Variants in ALK observed in about 807,000 individuals in gnomAD.
ALK encodes the protein ALK receptor tyrosine kinase.
Under a neutral mutation model 163.1 loss-of-function variants are expected in ALK, and 74 were observed. The observed-to-expected ratio is 0.45, with a 90% CI of 0.38 to 0.55. The LOEUF (loss-of-function observed/expected upper bound fraction) is 0.55. Among genes scored for constraint, ALK ranks in the 20% least tolerant of loss-of-function variants. The pLI is 0.00. For missense variants in ALK, 2,063 were observed against 2,105.3 expected (o/e 0.98, Z 0.39); for synonymous variants, 960 against 843.2 (o/e 1.14, Z -2.40).
At chr2:29,665,419 C>T (rs552016991) in intron 3 of ALK, among the ~76,000 whole-genome samples, 2 of 152,236 alleles carry the variant, frequency 1.3e-5, no homozygotes, top group East Asian at 3.9e-4. Context: ...CAGCAATAAT[C>T]ACAGCAAGTT....
intron 1 of ALK, among the ~76,000 whole-genome samples, chr2:29,732,181 AT>A (rs768093437): frequency 2.0e-5 from 3 of 152,336 alleles, no homozygotes; most frequent in East Asian, 3.9e-4. Context: ...ATAGCATGAG[AT>A]TTTTCAAATT....
rs779555113 is a variant in ALK at position 29,717,658 on chromosome 2, G to A, written c.707C>T (p.Pro236Leu). 2 of 1,613,920 alleles carry A rather than the reference G, an allele frequency of 1.2e-6. No individual in the cohort carries two copies. The highest frequency in any genetic ancestry group is 2.2e-5 in the East Asian group (1 of 44,890). ...ATTCCATGTAAAATAATCAGGAGAA[G>A]GAGAAGGCATGTTTGTTGGTGATTC... ...SLESPTNMPS[P>L]SPDYFTWNLT... The change falls in exon 2 of 29, where the codon CCT (proline) becomes CTT (leucine). Residue 236 changes from proline to leucine, a missense_variant. Coordinates refer to ENST00000389048, the MANE Select transcript of ALK (RefSeq NM_004304.5).
At chr2:29,438,492 A>G (rs1268131074) in intron 4 of ALK, among the ~76,000 whole-genome samples, 2 of 152,252 alleles carry the variant, frequency 1.3e-5, no homozygotes, top group South Asian at 2.1e-4. Context: ...AGAAGCATCA[A>G]TTTTAATCAA....
At chr2:29,333,144 C>T (rs193101941) in intron 5 of ALK, among the ~76,000 whole-genome samples, 54 of 152,138 alleles carry the variant, frequency 3.5e-4, no homozygotes, top group Non-Finnish European at 5.9e-4. Context: ...GAGGCAGAGT[C>T]TCACTCTGTG....
At chr2:29,788,425 C>T (rs996033456) in intron 1 of ALK, among the ~76,000 whole-genome samples, 2 of 152,180 alleles carry the variant, frequency 1.3e-5, no homozygotes, top group African/African-American at 4.8e-5. Context: ...AGACCAGGAG[C>T]AACAGTTGCT....
chr2:29,516,200 A>G (rs1156308076), intron 4 of ALK, among the ~76,000 whole-genome samples: 1 of 152,276 alleles, frequency 6.6e-6, no homozygotes, highest in Non-Finnish European at 1.5e-5. Context: ...AATTTTACCT[A>G]TGAATAGAAT....
chr2:29,903,417 C>T lies in ALK; in HGVS notation c.667+16576G>A, dbSNP rs148769941. On this transcript the variant is annotated intron_variant, in intron 1 of 28. Transcript: ENST00000389048. Reference sequence around the variant, plus strand: ...ACTGATTCAGCAAATATTTACTGAGCGCCTACTACGTCCCTCATCTGAGAC... The same window carrying T: ...ACTGATTCAGCAAATATTTACTGAGTGCCTACTACGTCCCTCATCTGAGAC... Among the ~76,000 whole-genome samples, 28 of 152,276 alleles carry T rather than the reference C, an allele frequency of 1.8e-4. No individual in the cohort carries two copies. The East Asian group carries it at 2.1e-3, about 12-fold the overall frequency.
At chr2:29,611,417 C>G (rs144696323) in intron 3 of ALK, among the ~76,000 whole-genome samples, 1 of 152,300 alleles carries the variant, frequency 6.6e-6, no homozygotes, top group East Asian at 1.9e-4. Flanking sequence ...CTTTCATAAA[C>G]AGTACATATA....
intron 1 of ALK, among the ~76,000 whole-genome samples, chr2:29,909,847 G>T (rs1367729354): frequency 6.6e-6 from 1 of 152,036 alleles, no homozygotes; most frequent in African/African-American, 2.4e-5. Flanking sequence ...CTCAAACAAA[G>T]CTTGACAATA....
At chr2:29,285,809 T>A (rs145520138) in intron 9 of ALK, among the ~76,000 whole-genome samples, 2 of 150,452 alleles carry the variant, frequency 1.3e-5, no homozygotes, top group African/African-American at 2.5e-5. Flanking sequence ...GTGATCTGCC[T>A]GCCTTGGCCT....
At chr2:29,820,997 G>A (rs1203830751) in intron 1 of ALK, among the ~76,000 whole-genome samples, 1 of 152,198 alleles carries the variant, frequency 6.6e-6, no homozygotes, top group African/African-American at 2.4e-5. Context: ...TGGAGAAGAA[G>A]GAGCTAGTGG....
chr2:29,408,786 C>T lies in ALK; in HGVS notation c.1155-24927G>A, dbSNP rs552563788. Among the ~76,000 whole-genome samples, 284 of 152,224 alleles carry T rather than the reference C, an allele frequency of 1.9e-3. 1 individual carries two copies. The highest frequency in any genetic ancestry group is 6.6e-3 in the African/African-American group (273 of 41,548). On this transcript the variant is annotated intron_variant, in intron 4 of 28. Coordinates refer to ENST00000389048, the MANE Select transcript of ALK (RefSeq NM_004304.5). ...ATGAGTTTCAGGCTGAGAAGGGAGG[C>T]ATTCTGGAGGCGGGCAGACCTTTCT...
rs1558471795 is a variant in ALK at position 29,750,713 on chromosome 2, A to AGGC, written c.668-33017_668-33016insGCC. On this transcript the variant is annotated intron_variant, in intron 1 of 28. Coordinates refer to ENST00000389048, the MANE Select transcript of ALK (RefSeq NM_004304.5). The stretch of plus-strand genomic sequence containing the variant: ...GAAGGAAGGAAGGCAGGCAGGCAGG[A>AGGC]AGGAAGGAAGGAAGGAAGAAAGGGA... Among the ~76,000 whole-genome samples, 187 of 95,934 alleles carry AGGC rather than the reference A, an allele frequency of 1.9e-3. 1 individual carries two copies. The highest frequency in any genetic ancestry group is 5.0e-3 in the Middle Eastern group (1 of 202). 62.9% of individuals were successfully genotyped at this position (95,934 alleles called of 152,430 possible).
At chr2:29,893,126 A>T (rs1667186297) in intron 1 of ALK, among the ~76,000 whole-genome samples, 1 of 151,318 alleles carries the variant, frequency 6.6e-6, no homozygotes, top group Non-Finnish European at 1.5e-5. Flanking sequence ...AGCTTTAGGG[A>T]TTCTTCTCAG....
chr2:29,890,219 G>A (rs1667109012), intron 1 of ALK, among the ~76,000 whole-genome samples: 1 of 152,158 alleles, frequency 6.6e-6, no homozygotes, highest in Admixed American at 6.6e-5. Flanking sequence ...CTAGAATGAA[G>A]GGGGCTATGT....
chr2:29,432,828 C>T (rs994365307), intron 4 of ALK, among the ~76,000 whole-genome samples: 4 of 151,968 alleles, frequency 2.6e-5, no homozygotes, highest in African/African-American at 9.7e-5. Context: ...ATGTGCTTCA[C>T]CCCCTGTCTT....
chr2:29,916,857 T>C (rs1014008762), intron 1 of ALK, among the ~76,000 whole-genome samples: 2 of 152,202 alleles, frequency 1.3e-5, no homozygotes, highest in Admixed American at 6.5e-5. Flanking sequence ...ACATCTTTTC[T>C]ATGATTTGGG....
rs763253846 is a variant in ALK at position 29,531,911 on chromosome 2, T to A, written c.1154+4A>T. ...ATCAATTTTGGACATGGAGAAGTAC[T>A]TACCCATGCTTCCCTGGAGTGGGCA... On this transcript the variant is annotated splice_donor_region_variant and intron_variant, in intron 4 of 28. Transcript: ENST00000389048. 114 of 1,613,998 alleles carry A rather than the reference T, an allele frequency of 7.1e-5. No individual in the cohort carries two copies. In the South Asian group the frequency reaches 1.1e-3, roughly 15 times the overall value.
chr2:29,193,236 C>A lies in ALK; in HGVS notation c.4851G>T (p.Gln1617His). ...TGTGCGACCGAGCTCAGGGCCCAGGCTGGTTCATGCTATTCTTGCTTTTCA... is the reference window on the plus strand; with the variant it reads ...TGTGCGACCGAGCTCAGGGCCCAGGATGGTTCATGCTATTCTTGCTTTTCA... ...TILKSKNSMN[Q>H]PGP The change falls in exon 29 of 29, where the codon CAG becomes CAT. Residue 1617 changes from glutamine (Q) to histidine (H), a missense_variant. Coordinates refer to ENST00000389048, the MANE Select transcript of ALK (RefSeq NM_004304.5). 6.2e-7 allele frequency: 1 copy of A among 1,614,104 alleles called. No individual in the cohort carries two copies. Among genetic ancestry groups the A allele is most frequent in the Non-Finnish European group, 8.5e-7 (1 of 1,180,016 alleles).
Sources: gnomAD v4.1 joint callset for allele counts (sites outside exome capture counted in the v4.1 genomes callset) on GRCh38, gnomAD v4.1.1 for gene constraint, MANE v1.5 for transcripts, NCBI Gene and HGNC (gene_info 2026-07-23, HGNC 2026-07-21) for gene names.